GNG7: variants seen among roughly 807,000 people sequenced by gnomAD.
The protein encoded by GNG7 is G protein subunit gamma 7.
In GNG7, 1 loss-of-function variant was observed where a neutral mutation model predicts 4.0. The observed-to-expected ratio is 0.25, with a 90% CI of 0.09 to 1.18. The LOEUF is 1.18. GNG7 is among the 50% of genes most tolerant of loss of function. The probability of loss-of-function intolerance (pLI) is 0.50; values close to 1 mark genes in which losing one functional copy is unlikely to be tolerated. For synonymous variants in GNG7, 34 were observed against 36.9 expected (o/e 0.92, Z 0.29); for missense variants, 86 against 91.9 (o/e 0.94, Z 0.26).
chr19:2,613,102 G>A (rs186635310), intron 2 of GNG7, among the ~76,000 whole-genome samples: 2 of 152,244 alleles, frequency 1.3e-5, no homozygotes, highest in Admixed American at 1.3e-4. Context: ...CAGGGAAAGG[G>A]ATGGTGTTTA....
chr19:2,656,474 C>T lies in GNG7; in HGVS notation c.-134-10194G>A, dbSNP rs146821960. Among the ~76,000 whole-genome samples the T allele has an allele frequency of 1.6e-4, 25 of 152,218 alleles. No individual in the cohort carries two copies. The East Asian group carries it at 3.5e-3, about 21-fold the overall frequency. On this transcript the variant is annotated intron_variant, in intron 1 of 4. Coordinates refer to ENST00000382159, the MANE Select transcript of GNG7 (RefSeq NM_052847.3). Reference sequence around the variant, plus strand: ...AAAATTAGCCGGGCATGGTGGTGCACGCCTGTAGTCCCAGCTACTCAGGAG... The same window carrying T: ...AAAATTAGCCGGGCATGGTGGTGCATGCCTGTAGTCCCAGCTACTCAGGAG...
At chr19:2,600,381 C>T (rs1297714290) in intron 2 of GNG7, among the ~76,000 whole-genome samples, 6 of 151,768 alleles carry the variant, frequency 4.0e-5, no homozygotes, top group Admixed American at 3.9e-4. Flanking sequence ...GTTCAATCCA[C>T]TGTGATATCA....
intron 4 of GNG7, among the ~76,000 whole-genome samples, chr19:2,519,812 C>T (rs567893313): frequency 1.3e-5 from 2 of 152,240 alleles, no homozygotes; most frequent in Admixed American, 6.5e-5. Context: ...GCCTGCTGGC[C>T]TACACTGCAG....
rs1209264563 is a variant in GNG7 at position 2,621,782 on chromosome 19, G to A, written c.-78+24442C>T. On this transcript the variant is annotated intron_variant, in intron 2 of 4. Coordinates refer to ENST00000382159, the MANE Select transcript of GNG7 (RefSeq NM_052847.3). Reference sequence around the variant, plus strand: ...ACAGAAGCAGAGACTGGAGCAATTCGACGGTAAGCACAAGCCAGGTTTGCC... The same window carrying A: ...ACAGAAGCAGAGACTGGAGCAATTCAACGGTAAGCACAAGCCAGGTTTGCC... Among the ~76,000 whole-genome samples the A allele has an allele frequency of 2.6e-5, 4 of 152,274 alleles. No homozygotes were observed. In the South Asian group the frequency reaches 8.3e-4, roughly 32 times the overall value.
chr19:2,670,883 G>T (rs568740000), intron 1 of GNG7, among the ~76,000 whole-genome samples: 1 of 152,122 alleles, frequency 6.6e-6, no homozygotes, highest in African/African-American at 2.4e-5. Context: ...ACAAAGAGAC[G>T]GCGTCCCATG....
intron 2 of GNG7, among the ~76,000 whole-genome samples, chr19:2,560,352 C>G (rs868551146): frequency 6.6e-6 from 1 of 152,110 alleles, no homozygotes; most frequent in Non-Finnish European, 1.5e-5. Context: ...CCAGGTCTGT[C>G]TCCCACCGGC....
rs762068191 is a variant in GNG7 at position 2,568,626 on chromosome 19, CACAT to C, written c.-77-13442_-77-13439del. 1.9e-4 allele frequency among the ~76,000 whole-genome samples: 26 copies of C among 140,496 alleles called. 1 individual carries two copies. In the South Asian group the frequency reaches 3.6e-3, roughly 19 times the overall value. The allele number at this position is 140,496 out of a possible 152,430, so 92.2% of individuals were successfully genotyped here. A position where few individuals can be genotyped will look rare whatever the true frequency, so the allele number is the denominator to read the frequency against. On this transcript the variant is annotated intron_variant, in intron 2 of 4. Transcript: ENST00000382159. ...ACATACACACATATATACACATACACACATATATACACATATACACAAATACACA... is the reference window on the plus strand; with the variant it reads ...ACATACACACATATATACACATACACATATACACATATACACAAATACACA...
intron 2 of GNG7, among the ~76,000 whole-genome samples, chr19:2,591,787 G>A (rs1464703519): frequency 6.6e-6 from 1 of 152,138 alleles, no homozygotes; most frequent in Non-Finnish European, 1.5e-5. Flanking sequence ...AAGATATACA[G>A]AGGTACTTAG....
rs141112258 is a variant in GNG7, at chr19:2,618,184, C to T, written c.-78+28040G>A. ...TGTCGGGTCAATATTTGCGACTGAC[C>T]GACGGGTTGGCCTTCCATCTACTCT... On this transcript the variant is annotated intron_variant, in intron 2 of 4. Transcript: ENST00000382159. This position sits in a 1 kb window ranked among gnomAD's most constrained non-coding sequence, Gnocchi z 5.1. Among the ~76,000 whole-genome samples the T allele has an allele frequency of 3.7e-3, 561 of 152,222 alleles. 5 individuals carry two copies. The highest frequency in any genetic ancestry group is 0.013 in the African/African-American group (536 of 41,520).
At chr19:2,671,886 C>A (rs1599454297) in intron 1 of GNG7, among the ~76,000 whole-genome samples, 1 of 151,660 alleles carries the variant, frequency 6.6e-6, no homozygotes, top group African/African-American at 2.4e-5. Flanking sequence ...CTCGTCTCTA[C>A]TAAAAATACA....
At chr19:2,554,554 TA>T (rs1373928585) in intron 3 of GNG7, among the ~76,000 whole-genome samples, 28 of 58,354 alleles carry the variant, frequency 4.8e-4, no homozygotes, top group South Asian at 2.9e-3. Flanking sequence ...TATATATATA[TA>T]TATATTTTTT....
At chr19:2,673,158 G>A (rs1022954343) in intron 1 of GNG7, among the ~76,000 whole-genome samples, 1 of 151,750 alleles carries the variant, frequency 6.6e-6, no homozygotes, top group African/African-American at 2.4e-5. Flanking sequence ...TCAGGAGGGT[G>A]AGCCAGGAGA....
At chr19:2,602,407 C>T (rs957622135) in intron 2 of GNG7, among the ~76,000 whole-genome samples, 1 of 152,228 alleles carries the variant, frequency 6.6e-6, no homozygotes. Flanking sequence ...CCTGGCTCCC[C>T]TGTACCCACC....
At position 2,618,679 on chromosome 19, in the gene GNG7, A is replaced by T. The variant is rs1981787966; in HGVS notation, c.-78+27545T>A. Among the ~76,000 whole-genome samples the T allele has an allele frequency of 6.6e-6, 1 of 151,442 alleles. No individual in the cohort carries two copies. Among genetic ancestry groups the T allele is most frequent in the African/African-American group, 2.4e-5 (1 of 41,116 alleles). ...TATTTTTTTTTTAATAAACAATTTT[A>T]TTTGGAGTAATTTTAGATTTACAGG... On this transcript the variant is annotated intron_variant, in intron 2 of 4. Transcript: ENST00000382159. The surrounding 1 kb of genome is among the most constrained non-coding windows in gnomAD (Gnocchi z 5.1).
intron 3 of GNG7, among the ~76,000 whole-genome samples, chr19:2,522,751 CAAAAAAAAAAA>C (rs59490251): frequency 2.3e-5 from 1 of 43,866 alleles, no homozygotes; most frequent in Non-Finnish European, 3.8e-5. Context: ...GACTCTGTCT[CAAAAAAAAAAA>C]AAAAAAAAAA....
At chr19:2,664,372 C>T (rs1449712835) in intron 1 of GNG7, among the ~76,000 whole-genome samples, 1 of 152,224 alleles carries the variant, frequency 6.6e-6, no homozygotes, top group African/African-American at 2.4e-5. Flanking sequence ...CCTGGACGGG[C>T]TCTCACCCAG....
At position 2,675,762 on chromosome 19, in the gene GNG7, G is replaced by A. The variant is rs575259397; in HGVS notation, c.-135+26884C>T. ...GGGAGCTCCTGGTATGGAGTGGGTG[G>A]AGGCCAGGGACACTGCTCAGCACCC... On this transcript the variant is annotated intron_variant, in intron 1 of 4. Transcript: ENST00000382159. Among the ~76,000 whole-genome samples, 6 of 152,272 alleles carry A rather than the reference G, an allele frequency of 3.9e-5. No homozygotes were observed. The East Asian group carries it at 1.2e-3, about 29-fold the overall frequency.
intron 2 of GNG7, among the ~76,000 whole-genome samples, chr19:2,565,283 G>C (rs565390638): frequency 6.6e-6 from 1 of 151,928 alleles, no homozygotes. Flanking sequence ...AGGCCGAGGC[G>C]GGTGGATCAT....
At chr19:2,548,787 C>CAAAAA (rs1425121270) in intron 3 of GNG7, among the ~76,000 whole-genome samples, 2 of 146,852 alleles carry the variant, frequency 1.4e-5, no homozygotes, top group Non-Finnish European at 3.0e-5. Flanking sequence ...GACTCTGTCT[C>CAAAAA]AAAAAACAAA....
Sources: gnomAD v4.1 joint callset for allele counts (sites outside exome capture counted in the v4.1 genomes callset) on GRCh38, gnomAD v4.1.1 for gene constraint, Gnocchi (gnomAD v3.1) non-coding constraint, MANE v1.5 for transcripts, NCBI Gene and HGNC (gene_info 2026-07-23, HGNC 2026-07-21) for gene names.